The following NTRK2 variants were observed in gnomAD, a reference collection of about 807,000 sequenced individuals.
NTRK2 encodes the protein neurotrophic receptor tyrosine kinase 2.
Under a neutral mutation model 94.5 loss-of-function variants are expected in NTRK2, and 13 were observed. That is an observed-to-expected ratio of 0.14 (90% CI 0.09 to 0.22). NTRK2 has a LOEUF of 0.22. NTRK2 is among the 10% of genes least tolerant of loss of function. The pLI is 1.00. For missense variants in NTRK2, 639 were observed against 1,071.2 expected (o/e 0.60, Z 5.63); for synonymous variants, 372 against 407.4 (o/e 0.91, Z 1.05).
At chr9:84,758,369 C>G (rs969935820) in intron 12 of NTRK2, among the ~76,000 whole-genome samples, 1 of 151,586 alleles carries the variant, frequency 6.6e-6, no homozygotes, top group African/African-American at 2.4e-5. Context: ...AAACTTAGCC[C>G]TTTAGTCTTT....
At chr9:85,008,858 T>C (rs1282475826) in intron 17 of NTRK2, among the ~76,000 whole-genome samples, 1 of 152,244 alleles carries the variant, frequency 6.6e-6, no homozygotes, top group Non-Finnish European at 1.5e-5. Context: ...CGCTATCGCC[T>C]GAATGTTTCC....
chr9:84,905,429 C>G (rs757804832), intron 14 of NTRK2, among the ~76,000 whole-genome samples: 1 of 152,126 alleles, frequency 6.6e-6, no homozygotes, highest in Non-Finnish European at 1.5e-5. Flanking sequence ...GAGGGAAGGA[C>G]AGTCCCAGGA....
intron 5 of NTRK2, among the ~76,000 whole-genome samples, chr9:84,709,762 G>T (rs1000713256): frequency 6.6e-6 from 1 of 152,180 alleles, no homozygotes; most frequent in African/African-American, 2.4e-5. Context: ...AGGCCACTGA[G>T]TATTACAAAT....
chr9:84,976,883 A>G (rs2133192129), intron 17 of NTRK2, among the ~76,000 whole-genome samples: 1 of 152,368 alleles, frequency 6.6e-6, no homozygotes, highest in East Asian at 1.9e-4. Flanking sequence ...ATAAATCCAT[A>G]TGATTGAATA....
chr9:84,983,059 C>T (rs765681271), intron 17 of NTRK2, among the ~76,000 whole-genome samples: 1 of 151,998 alleles, frequency 6.6e-6, no homozygotes, highest in African/African-American at 2.4e-5. Flanking sequence ...TGAAATAGGT[C>T]TTGGTAATGA....
chr9:84,800,343 A>G (rs527815276), intron 12 of NTRK2, among the ~76,000 whole-genome samples: 1 of 152,124 alleles, frequency 6.6e-6, no homozygotes, highest in South Asian at 2.1e-4. Context: ...AGCTGGGATT[A>G]CAGGCACCTG....
chr9:84,906,241 T>A (rs888999944), intron 14 of NTRK2, among the ~76,000 whole-genome samples: 14 of 151,956 alleles, frequency 9.2e-5, no homozygotes, highest in African/African-American at 3.4e-4. Context: ...ATGCCTAGAA[T>A]TCAGGAGCAG....
intron 17 of NTRK2, among the ~76,000 whole-genome samples, chr9:85,010,353 C>T (rs990902552): frequency 1.3e-5 from 2 of 152,180 alleles, no homozygotes; most frequent in African/African-American, 2.4e-5. Flanking sequence ...TGGTAGTCTC[C>T]GTGATTTTCA....
intron 2 of NTRK2, among the ~76,000 whole-genome samples, chr9:84,685,922 A>G (rs1249676749): frequency 1.3e-5 from 2 of 152,248 alleles, no homozygotes; most frequent in Admixed American, 6.5e-5. Flanking sequence ...GAAGGCAGGG[A>G]CATATGGATC....
intron 14 of NTRK2, among the ~76,000 whole-genome samples, chr9:84,922,772 A>T (rs936312125): frequency 6.6e-6 from 1 of 152,226 alleles, no homozygotes; most frequent in African/African-American, 2.4e-5. Context: ...CTCATCCTTG[A>T]GTCTTCCACA....
At chr9:84,730,505 C>A (rs4877876) in intron 9 of NTRK2, among the ~76,000 whole-genome samples, 1 of 136,550 alleles carries the variant, frequency 7.3e-6, no homozygotes, top group African/African-American at 3.3e-5. Flanking sequence ...CTTTGGGAGG[C>A]CGAGGCGGGC....
chr9:84,704,682 T>G (rs148372342), intron 4 of NTRK2, among the ~76,000 whole-genome samples: 4 of 152,286 alleles, frequency 2.6e-5, no homozygotes, highest in South Asian at 2.1e-4. Flanking sequence ...TTGATCAAAT[T>G]GCAAAAATGC....
At chr9:84,708,962 T>G (rs545747410) in intron 5 of NTRK2, among the ~76,000 whole-genome samples, 14 of 152,342 alleles carry the variant, frequency 9.2e-5, no homozygotes, top group African/African-American at 3.4e-4. Flanking sequence ...TTGGGCAACA[T>G]TGTGTAAAAT....
intron 14 of NTRK2, among the ~76,000 whole-genome samples, chr9:84,889,280 G>T (rs865777917): frequency 6.6e-6 from 1 of 150,526 alleles, no homozygotes; most frequent in African/African-American, 2.4e-5. Context: ...GTGAGCCACC[G>T]CGCCCGGCCC....
At chr9:84,701,281 A>G (rs1434878812) in intron 2 of NTRK2, among the ~76,000 whole-genome samples, 1 of 152,142 alleles carries the variant, frequency 6.6e-6, no homozygotes, top group East Asian at 1.9e-4. Flanking sequence ...CTGTGGACTG[A>G]CTTCATTCTT....
At chr9:84,943,012 C>G (rs1357925992) in intron 15 of NTRK2, among the ~76,000 whole-genome samples, 1 of 152,056 alleles carries the variant, frequency 6.6e-6, no homozygotes, top group Non-Finnish European at 1.5e-5. Context: ...TTTAAATTTC[C>G]CTCTGTGTTT....
At chr9:84,809,175 T>C (rs981507881) in intron 12 of NTRK2, among the ~76,000 whole-genome samples, 7 of 152,010 alleles carry the variant, frequency 4.6e-5, no homozygotes, top group Non-Finnish European at 5.9e-5. Flanking sequence ...TAAAAAAGAA[T>C]AGTTTGGGTG....
intron 12 of NTRK2, among the ~76,000 whole-genome samples, chr9:84,797,427 C>G (rs955204740): frequency 6.8e-6 from 1 of 146,598 alleles, no homozygotes; most frequent in African/African-American, 2.5e-5. Context: ...TGGGGGATTC[C>G]GTGAAAGCTG....
chr9:84,788,484 T>C (rs12552425), intron 12 of NTRK2, among the ~76,000 whole-genome samples: 12,812 of 151,922 alleles, frequency 0.084, 952 homozygotes, highest in African/African-American at 0.19. Flanking sequence ...ATCTGAGGGG[T>C]TCAGATGGGG....
Sources: gnomAD v4.1 joint callset for allele counts (sites outside exome capture counted in the v4.1 genomes callset) on GRCh38, gnomAD v4.1.1 for gene constraint, MANE v1.5 for transcripts, NCBI Gene and HGNC (gene_info 2026-07-23, HGNC 2026-07-21) for gene names.